PALLD: variants seen among roughly 807,000 people sequenced by gnomAD.
PALLD encodes the protein palladin.
Under a neutral mutation model 123.5 loss-of-function variants are expected in PALLD, and 61 were observed. That is an observed-to-expected ratio of 0.49 (90% CI 0.40 to 0.61). The LOEUF (loss-of-function observed/expected upper bound fraction) is 0.61. Ranked by LOEUF, PALLD falls within the 20% of genes least tolerant of loss-of-function variation. The pLI is 0.00. For missense variants in PALLD, 1,273 were observed against 1,377.0 expected (o/e 0.92, Z 1.20); for synonymous variants, 465 against 496.4 (o/e 0.94, Z 0.84).
intron 10 of PALLD, among the ~76,000 whole-genome samples, chr4:168,826,797 C>G (rs757692228): frequency 6.6e-6 from 1 of 152,164 alleles, no homozygotes; most frequent in Non-Finnish European, 1.5e-5. Context: ...AATACCTTAA[C>G]CTCCACTTCA....
In PALLD at chr4:168,898,688, A is replaced by G. The variant is rs1755799948; in HGVS notation, c.2446A>G (p.Arg816Gly). 1 of 1,613,808 alleles carries G rather than the reference A, an allele frequency of 6.2e-7. No homozygotes were observed. Among genetic ancestry groups the G allele is most frequent in the Non-Finnish European group, 8.5e-7 (1 of 1,179,654 alleles). Residue 816 changes from arginine to glycine, a missense_variant, in exon 14 of 22, where the codon AGA becomes GGA. This residue lies in a region of PALLD where 329 missense variants were observed against 422.5 expected (regional missense o/e 0.78). Transcript: ENST00000505667. ...GGGAATGCCAGTAACTTTCACATGT[A>G]GAGTGGCTGGAAATCCAAAGCCAAA... ...FEGMPVTFTC[R>G]VAGNPKPKIY... is the part of the protein sequence containing the mutation.
At chr4:168,794,498 ACACACACG>A (rs1299408778) in intron 10 of PALLD, among the ~76,000 whole-genome samples, 193 of 123,642 alleles carry the variant, frequency 1.6e-3, no homozygotes, top group African/African-American at 4.3e-3. Flanking sequence ...ATGCACGCAC[ACACACACG>A]CACACACACA....
At chr4:168,808,466 C>T (rs1257249241) in intron 10 of PALLD, among the ~76,000 whole-genome samples, 32 of 151,934 alleles carry the variant, frequency 2.1e-4, no homozygotes, top group African/African-American at 6.3e-4. Context: ...GGCAACAGAG[C>T]GAGACTCCAT....
At chr4:168,778,330 A>G (rs1418944947) in intron 10 of PALLD, among the ~76,000 whole-genome samples, 2 of 152,210 alleles carry the variant, frequency 1.3e-5, no homozygotes, top group Non-Finnish European at 2.9e-5. Flanking sequence ...TGAATCTCTA[A>G]GGAATTGATC....
At chr4:168,642,357 T>C (rs922693844) in intron 2 of PALLD, among the ~76,000 whole-genome samples, 1 of 152,182 alleles carries the variant, frequency 6.6e-6, no homozygotes, top group Non-Finnish European at 1.5e-5. Flanking sequence ...TCTATTCCCT[T>C]TTCCAAGTGC....
At chr4:168,768,588 A>G (rs1402824399) in intron 10 of PALLD, among the ~76,000 whole-genome samples, 1 of 152,274 alleles carries the variant, frequency 6.6e-6, no homozygotes, top group Non-Finnish European at 1.5e-5. Flanking sequence ...AGCATGTGTC[A>G]CATAGACCCA....
chr4:168,757,464 G>T (rs1211874919), intron 10 of PALLD, among the ~76,000 whole-genome samples: 3 of 152,154 alleles, frequency 2.0e-5, no homozygotes, highest in African/African-American at 7.2e-5. Context: ...GATTTGAGAT[G>T]ACAATGGAAA....
At chr4:168,804,254 C>T (rs996229189) in intron 10 of PALLD, among the ~76,000 whole-genome samples, 1 of 152,210 alleles carries the variant, frequency 6.6e-6, no homozygotes, top group Admixed American at 6.5e-5. Flanking sequence ...CACTTCACAA[C>T]TCATTAGTGA....
chr4:168,637,348 A>T (rs191232234), intron 2 of PALLD, among the ~76,000 whole-genome samples: 16 of 152,272 alleles, frequency 1.1e-4, no homozygotes, highest in Admixed American at 1.0e-3. Flanking sequence ...CCTTTCTAGG[A>T]CAAGGGACTA....
intron 10 of PALLD, among the ~76,000 whole-genome samples, chr4:168,769,029 AT>A (rs1169951106): frequency 1.3e-5 from 2 of 152,188 alleles, no homozygotes; most frequent in African/African-American, 4.8e-5. Context: ...GGATTTCACC[AT>A]TTGGCTGGGA....
intron 10 of PALLD, among the ~76,000 whole-genome samples, chr4:168,742,403 C>T (rs753438740): frequency 2.0e-5 from 3 of 152,202 alleles, no homozygotes; most frequent in Admixed American, 6.5e-5. Flanking sequence ...GGAATAAGTA[C>T]ATTTGAAATA....
At chr4:168,704,766 A>AAAGAAGAC (rs1440283824) in intron 8 of PALLD, among the ~76,000 whole-genome samples, 4 of 152,094 alleles carry the variant, frequency 2.6e-5, no homozygotes, top group Non-Finnish European at 2.9e-5. Flanking sequence ...GAATAAAGAA[A>AAAGAAGAC]AAGAAGACAA....
intron 2 of PALLD, among the ~76,000 whole-genome samples, chr4:168,591,244 T>A (rs1771396998): frequency 6.6e-6 from 1 of 152,190 alleles, no homozygotes; most frequent in Non-Finnish European, 1.5e-5. Context: ...AAAGATTTAC[T>A]GGAACGGTTC....
intron 2 of PALLD, among the ~76,000 whole-genome samples, chr4:168,535,254 A>G (rs1178175969): frequency 4.6e-5 from 7 of 152,150 alleles, no homozygotes. Flanking sequence ...AGGTTTTTAT[A>G]TTTTTTAAAG....
At chr4:168,842,811 C>T (rs994401603) in intron 10 of PALLD, among the ~76,000 whole-genome samples, 9 of 152,162 alleles carry the variant, frequency 5.9e-5, no homozygotes, top group African/African-American at 2.2e-4. Context: ...AAGTAGATGA[C>T]TTTATGGAAT....
chr4:168,858,897 G>C (rs1749016799), intron 10 of PALLD, among the ~76,000 whole-genome samples: 1 of 152,070 alleles, frequency 6.6e-6, no homozygotes, highest in South Asian at 2.1e-4. Context: ...CCATTGTCTG[G>C]CACTATTCAA....
chr4:168,870,444 TG>T (rs1750927409), intron 10 of PALLD, among the ~76,000 whole-genome samples: 1 of 152,232 alleles, frequency 6.6e-6, no homozygotes, highest in African/African-American at 2.4e-5. Context: ...ACCATGGAAT[TG>T]TTTTTATCTG....
At chr4:168,883,948 C>CA (rs35084179) in intron 10 of PALLD, among the ~76,000 whole-genome samples, 77,855 of 142,118 alleles carry the variant, frequency 0.55, 23,297 homozygotes, top group East Asian at 0.88. Flanking sequence ...TGCAAACCAT[C>CA]AAAAAAAAAA....
At position 168,792,340 on chromosome 4, in the gene PALLD, A is replaced by G. The variant is rs138993445; in HGVS notation, c.1964+80417A>G. Reference sequence around the variant, plus strand: ...CAGGGTTCCTTTAAAAAAAAATAGGAGAGTAATTTTACATGACACCTAATG... The same window carrying G: ...CAGGGTTCCTTTAAAAAAAAATAGGGGAGTAATTTTACATGACACCTAATG... On this transcript the variant is annotated intron_variant, in intron 10 of 21. Coordinates refer to ENST00000505667, the MANE Select transcript of PALLD (RefSeq NM_001166108.2). 3.7e-4 allele frequency among the ~76,000 whole-genome samples: 56 copies of G among 152,098 alleles called. 1 individual carries two copies. In the East Asian group the frequency reaches 0.01, roughly 28 times the overall value.
Sources: allele counts gnomAD v4.1 joint callset (sites outside exome capture counted in the v4.1 genomes callset), GRCh38; gene constraint gnomAD v4.1.1; regional missense constraint gnomAD v4.1.1; transcripts MANE v1.5; gene names NCBI Gene and HGNC (gene_info 2026-07-23, HGNC 2026-07-21).